Variants in SELENOK observed in about 807,000 individuals in gnomAD.
The protein encoded by SELENOK is selenoprotein K.
A neutral mutation model predicts 17.3 loss-of-function variants in SELENOK; 11 were observed. The ratio of observed to expected loss-of-function variants is 0.63; its 90% confidence interval spans 0.40 to 1.05. SELENOK has a LOEUF of 1.05. SELENOK is among the 50% of genes least tolerant of loss of function. The pLI is 0.00. For missense variants in SELENOK, 125 were observed against 113.9 expected (o/e 1.10, Z -0.44); for synonymous variants, 45 against 35.4 (o/e 1.27, Z -0.97).
rs537526759 is a variant in SELENOK, at chr3:53,888,873, G to C, written c.20-390C>G. 8.5e-5 allele frequency among the ~76,000 whole-genome samples: 13 copies of C among 152,100 alleles called. No individual in the cohort carries two copies. The South Asian group carries it at 1.2e-3, about 15-fold the overall frequency. Reference sequence around the variant, plus strand: ...AGATTGAGACCATCCTGGCTAACACGGTGAAACCCCGTCTCTACTAAAAAC... The same window carrying C: ...AGATTGAGACCATCCTGGCTAACACCGTGAAACCCCGTCTCTACTAAAAAC... On this transcript the variant is annotated intron_variant, in intron 1 of 4. Coordinates refer to ENST00000495461, the MANE Select transcript of SELENOK (RefSeq NM_021237.5).
intron 3 of SELENOK, 98 bp from the exon 4 acceptor site, chr3:53,886,010 C>A: frequency 1.3e-6 from 1 of 764,760 alleles, no homozygotes; most frequent in Non-Finnish European, 2.0e-6. Context: ...TTTTCAGCAC[C>A]CACATGACCC....
In SELENOK at chr3:53,888,469, T is replaced by A; in HGVS notation, c.34A>T (p.Ser12Cys). ...AATCTCCATGGAGACTGACTCCGGC[T>A]GTCCAACACTTGTCCTACAGATAAG... ...VYISNGQVLDSRSQSPWRLSL... is the reference protein window; with the variant it reads ...VYISNGQVLDCRSQSPWRLSL... The change falls in exon 2 of 5, where the codon AGC becomes TGC. Residue 12 changes from serine (S) to cysteine (C), a missense_variant. Ser to Cys is a moderately radical substitution (Grantham distance 112). Coordinates refer to ENST00000495461, the MANE Select transcript of SELENOK (RefSeq NM_021237.5). 4.3e-6 allele frequency: 7 copies of A among 1,609,952 alleles called. No homozygotes were observed. Among genetic ancestry groups the A allele is most frequent in the Non-Finnish European group, 5.9e-6 (7 of 1,178,304 alleles).
At position 53,884,831 on chromosome 3, in the gene SELENOK, A is replaced by T. The variant is rs949251135; in HGVS notation, c.*727T>A. On this transcript the variant is annotated 3_prime_UTR_variant, in exon 5 of 5. Transcript: ENST00000495461. ...AATTTTTGTTATTTTAGGTTTCGTC[A>T]TGCTGCAGGCTGGTCTCAAACTCGT... is the stretch of plus-strand genomic sequence containing the variant. 2.6e-5 allele frequency: 4 copies of T among 152,188 alleles called. No individual in the cohort carries two copies. The highest frequency in any genetic ancestry group is 7.2e-5 in the African/African-American group (3 of 41,438). 9.4% of individuals were successfully genotyped at this position (152,188 alleles called of 1,614,324 possible). A position where few individuals can be genotyped will look rare whatever the true frequency, so the allele number is the denominator to read the frequency against.
chr3:53,886,992 A>G, intron 2 of SELENOK, 58 bp from the exon 3 acceptor site: 2 of 1,332,616 alleles, frequency 1.5e-6, no homozygotes, highest in Non-Finnish European at 2.1e-6. Flanking sequence ...TCTAAAATAT[A>G]TTTCCATGTT....
chr3:53,887,931 T>G (rs1250550850), intron 2 of SELENOK: 2 of 152,346 alleles, frequency 1.3e-5, no homozygotes, highest in African/African-American at 2.4e-5. Flanking sequence ...ACATTTAAAT[T>G]TTTGTCTCCT....
At chr3:53,890,773 TAA>T (rs1247520494) in intron 1 of SELENOK, among the ~76,000 whole-genome samples, 1 of 152,202 alleles carries the variant, frequency 6.6e-6, no homozygotes, top group Non-Finnish European at 1.5e-5. Context: ...GGGAGATTTT[TAA>T]AAGTCAAGAA....
intron 4 of SELENOK, 84 bp downstream of exon 4, chr3:53,885,742 G>C: frequency 2.4e-6 from 3 of 1,268,732 alleles, no homozygotes; most frequent in Non-Finnish European, 3.4e-6. Context: ...ATTATAAGCT[G>C]CTGGGCAACT....
In SELENOK at chr3:53,891,620, G is replaced by T; in HGVS notation, c.19+150C>A. 3.1e-6 allele frequency: 3 copies of T among 972,746 alleles called. No individual in the cohort carries two copies. In the South Asian group the frequency reaches 4.4e-5, roughly 14 times the overall value. 60.3% of individuals were successfully genotyped at this position (972,746 alleles called of 1,614,324 possible). On this transcript the variant is annotated intron_variant, in intron 1 of 4. Coordinates refer to ENST00000495461, the MANE Select transcript of SELENOK (RefSeq NM_021237.5). ...ACCATCGGCTGACGCGCCGCAAGCCGAGGCGACTTCGGTCCAGCTCCGCCC... is the reference window on the plus strand; with the variant it reads ...ACCATCGGCTGACGCGCCGCAAGCCTAGGCGACTTCGGTCCAGCTCCGCCC...
intron 1 of SELENOK, among the ~76,000 whole-genome samples, chr3:53,889,992 G>A (rs962699798): frequency 1.3e-5 from 2 of 152,134 alleles, no homozygotes; most frequent in Admixed American, 1.3e-4. Context: ...ATATTTTCGG[G>A]GAAGAGTAAC....
rs376752583 is a variant in SELENOK, at chr3:53,886,812, A to C, written c.194+39T>G. On this transcript the variant is annotated intron_variant, in intron 3 of 4. Coordinates refer to ENST00000495461, the MANE Select transcript of SELENOK (RefSeq NM_021237.5). ...TAAAATATCTAATAAAGGTATACAA[A>C]GACATAAAAACAACTATTATCAATT... is the stretch of plus-strand genomic sequence containing the variant. The C allele has an allele frequency of 2.0e-5, 26 of 1,268,386 alleles. 1 individual carries two copies. In the African/African-American group the frequency reaches 3.9e-4, roughly 19 times the overall value. The allele number at this position is 1,268,386 out of a possible 1,614,324, so 78.6% of individuals were successfully genotyped here. A position where few individuals can be genotyped will look rare whatever the true frequency, so the allele number is the denominator to read the frequency against.
intron 2 of SELENOK, 128 bp downstream of exon 2, chr3:53,888,265 T>A: frequency 1.5e-6 from 1 of 654,372 alleles, no homozygotes; most frequent in Non-Finnish European, 2.7e-6. Flanking sequence ...TGTGTAAAGC[T>A]ATTTTTTAAA....
At position 53,885,536 on chromosome 3, in the gene SELENOK, G is replaced by C. The variant is rs1217743988; in HGVS notation, c.*22C>G. On this transcript the variant is annotated 3_prime_UTR_variant, in exon 5 of 5. Transcript: ENST00000495461. ...CTGCTATGAATGCGCATGTCCGGTT[G>C]TCTGCTTCTTAGAGCAGACATTTAC... 6.2e-7 allele frequency: 1 copy of C among 1,607,900 alleles called. No homozygotes were observed. The highest frequency in any genetic ancestry group is 2.2e-5 in the East Asian group (1 of 44,800).
In SELENOK at chr3:53,886,905, T is replaced by C; in HGVS notation, c.140A>G (p.Lys47Arg). The change falls in exon 3 of 5, where the codon AAA (lysine) becomes AGA (arginine). Residue 47 changes from lysine to arginine, a missense_variant. Coordinates refer to ENST00000495461, the MANE Select transcript of SELENOK (RefSeq NM_021237.5). ...FFKTLLQQDVKKRRSYGNSSD... is the reference protein window; with the variant it reads ...FFKTLLQQDVRKRRSYGNSSD... ...TGAGTTTCCATAGCTTCTTCTTTTTTTCACATCTTGCTGAAGCAGAGTTTT... is the reference window on the plus strand; with the variant it reads ...TGAGTTTCCATAGCTTCTTCTTTTTCTCACATCTTGCTGAAGCAGAGTTTT... The C allele has an allele frequency of 6.4e-7, 1 of 1,571,662 alleles. No homozygotes were observed. Among genetic ancestry groups the C allele is most frequent in the Non-Finnish European group, 8.6e-7 (1 of 1,156,560 alleles).
intron 2 of SELENOK, chr3:53,888,185 T>A: frequency 2.3e-6 from 1 of 434,994 alleles, no homozygotes; most frequent in Non-Finnish European, 4.1e-6. Context: ...AGTTTACCAA[T>A]CCAACTAACA....
At position 53,885,527 on chromosome 3, in the gene SELENOK, TGTCCGGTTG is replaced by T. The variant is rs748687205; in HGVS notation, c.*22_*30del. 12 of 1,604,280 alleles carry T rather than the reference TGTCCGGTTG, an allele frequency of 7.5e-6. No homozygotes were observed. The East Asian group carries it at 2.7e-4, about 36-fold the overall frequency. On this transcript the variant is annotated 3_prime_UTR_variant, in exon 5 of 5. Transcript: ENST00000495461. ...GGTTTCCTTCTGCTATGAATGCGCA[TGTCCGGTTG>T]TCTGCTTCTTAGAGCAGACATTTAC...
intron 1 of SELENOK, among the ~76,000 whole-genome samples, chr3:53,890,312 G>T (rs2107092438): frequency 6.6e-6 from 1 of 152,284 alleles, no homozygotes; most frequent in Admixed American, 6.5e-5. Flanking sequence ...CTGACAGCAA[G>T]AGAAAGATTT....
chr3:53,889,636 G>T (rs1308087162), intron 1 of SELENOK, among the ~76,000 whole-genome samples: 1 of 152,144 alleles, frequency 6.6e-6, no homozygotes, highest in African/African-American at 2.4e-5. Context: ...TGAATATAAA[G>T]GAATGCTCAC....
At chr3:53,889,206 T>C (rs1367400240) in intron 1 of SELENOK, among the ~76,000 whole-genome samples, 1 of 152,164 alleles carries the variant, frequency 6.6e-6, no homozygotes, top group Non-Finnish European at 1.5e-5. Flanking sequence ...ATCACCACCA[T>C]CCACCTCTAG....
At position 53,885,823 on chromosome 3, in the gene SELENOK, TA is replaced by T; in HGVS notation, c.281+2del. Reference sequence around the variant, plus strand: ...TACAAAAGAATTTCAGATCTGAAGTTACCTTCCTCATCCACCAGCCATTGGA... The same window carrying T: ...TACAAAAGAATTTCAGATCTGAAGTTCCTTCCTCATCCACCAGCCATTGGA... On this transcript the variant is annotated splice_donor_variant, in intron 4 of 4. Transcript: ENST00000495461. LOFTEE classifies it high-confidence loss of function. 3 of 1,578,474 alleles carry T rather than the reference TA, an allele frequency of 1.9e-6. No individual in the cohort carries two copies. The highest frequency in any genetic ancestry group is 1.7e-6 in the Non-Finnish European group (2 of 1,159,636).
Sources: gnomAD v4.1 joint callset for allele counts (sites outside exome capture counted in the v4.1 genomes callset) on GRCh38, gnomAD v4.1.1 for gene constraint, MANE v1.5 for transcripts, NCBI Gene and HGNC (gene_info 2026-07-23, HGNC 2026-07-21) for gene names.